Variants in ENO4 observed in about 807,000 individuals in gnomAD.
ENO4 encodes enolase 4.
Under a neutral mutation model 63.2 loss-of-function variants are expected in ENO4, and 53 were observed. The observed-to-expected ratio is 0.84, with a 90% CI of 0.67 to 1.05. The LOEUF is 1.05. Among genes scored for constraint, ENO4 ranks in the 50% least tolerant of loss-of-function variants. The pLI is 0.00. For missense variants in ENO4, 719 were observed against 772.0 expected (o/e 0.93, Z 0.81); for synonymous variants, 266 against 283.8 (o/e 0.94, Z 0.63).
At chr10:116,894,546 T>A (rs1847446093) in intron 10 of ENO4, among the ~76,000 whole-genome samples, 1 of 152,316 alleles carries the variant, frequency 6.6e-6, no homozygotes, top group Non-Finnish European at 1.5e-5. Flanking sequence ...GGCAATTAAT[T>A]GTGGCTTAAA....
chr10:116,854,191 G>A (rs1249713271), intron 1 of ENO4, among the ~76,000 whole-genome samples: 1 of 152,094 alleles, frequency 6.6e-6, no homozygotes, highest in Non-Finnish European at 1.5e-5. Flanking sequence ...GACTATGAAT[G>A]AGCTGATGGT....
At chr10:116,854,019 C>G (rs1220332201) in intron 1 of ENO4, among the ~76,000 whole-genome samples, 1 of 152,174 alleles carries the variant, frequency 6.6e-6, no homozygotes, top group East Asian at 1.9e-4. Context: ...TGCACAGAAA[C>G]ACCTTCCTGA....
intron 7 of ENO4, 31 bp from the exon 8 acceptor site, chr10:116,868,619 A>G: frequency 6.5e-7 from 1 of 1,545,510 alleles, no homozygotes; most frequent in Non-Finnish European, 8.8e-7. Context: ...TAAAAATTCC[A>G]GGTGATACAT....
intron 9 of ENO4, 105 bp from the exon 10 acceptor site, chr10:116,873,971 C>A: frequency 7.3e-7 from 1 of 1,366,388 alleles, no homozygotes; most frequent in Non-Finnish European, 9.7e-7. Flanking sequence ...AACCTGTTTA[C>A]AACCTCTTAT....
chr10:116,897,887 T>C (rs934861765), intron 10 of ENO4, among the ~76,000 whole-genome samples: 3 of 152,128 alleles, frequency 2.0e-5, no homozygotes, highest in Non-Finnish European at 4.4e-5. Context: ...ATAAATCACA[T>C]TGTTTCCTTG....
At chr10:116,899,267 T>C (rs1404322017) in intron 10 of ENO4, among the ~76,000 whole-genome samples, 4 of 151,864 alleles carry the variant, frequency 2.6e-5, no homozygotes, top group East Asian at 1.9e-4. Flanking sequence ...TAGGGAGAAA[T>C]GACGTAGGAT....
At chr10:116,893,576 G>GCACACACACACACACACA (rs6144113) in intron 10 of ENO4, among the ~76,000 whole-genome samples, 8,364 of 123,472 alleles carry the variant, frequency 0.068, 451 homozygotes, top group African/African-American at 0.1. Context: ...GCACTCATGT[G>GCACACACACACACACACA]CACACACACA....
At chr10:116,874,670 A>C (rs756364786) in intron 10 of ENO4, among the ~76,000 whole-genome samples, 47 of 152,214 alleles carry the variant, frequency 3.1e-4, no homozygotes, top group Non-Finnish European at 5.4e-4. Context: ...AAACGTAACA[A>C]AGCCATTTTT....
downstream of ENO4, chr10:116,885,466 C>A (rs989860530): frequency 4.0e-4 from 61 of 152,394 alleles, no homozygotes; most frequent in African/African-American, 1.4e-3. Context: ...AAAACAACAA[C>A]AAACCTGTGT....
At chr10:116,900,868 TTAA>T (rs1847705529) in intron 10 of ENO4, 1 of 984,926 alleles carries the variant, frequency 1.0e-6, no homozygotes, top group Non-Finnish European at 1.2e-6. Flanking sequence ...GAAAAAAAAG[TTAA>T]TAGTAGCAAT....
intron 10 of ENO4, among the ~76,000 whole-genome samples, chr10:116,898,394 CAGTGAAT>C (rs1847597906): frequency 6.6e-6 from 1 of 151,836 alleles, no homozygotes; most frequent in Non-Finnish European, 1.5e-5. Flanking sequence ...TGGCCTGAAT[CAGTGAAT>C]AAAATATCTT....
intron 10 of ENO4, chr10:116,906,708 ATT>A: frequency 6.2e-7 from 1 of 1,613,130 alleles, no homozygotes. Context: ...GGGTCAAGGG[ATT>A]TTAAGCTTCT....
At chr10:116,891,794 G>A (rs1188457541) in intron 10 of ENO4, among the ~76,000 whole-genome samples, 4 of 151,896 alleles carry the variant, frequency 2.6e-5, no homozygotes, top group Non-Finnish European at 5.9e-5. Flanking sequence ...TCAAACCTAA[G>A]GTGAAACTTT....
chr10:116,871,278 G>A lies in ENO4; in HGVS notation c.1201G>A (p.Glu401Lys). 3 of 1,550,148 alleles carry A rather than the reference G, an allele frequency of 1.9e-6. No homozygotes were observed. Among genetic ancestry groups the A allele is most frequent in the Non-Finnish European group, 2.6e-6 (3 of 1,146,856 alleles). Residue 401 changes from glutamate to lysine, a missense_variant, in exon 9 of 14, where the codon GAG becomes AAG. This residue lies in a region of ENO4 where 544 missense variants were observed against 583.6 expected (regional missense o/e 0.93). Transcript: ENST00000341276. ...TCTAGCTATCAACTGTGCTGGACAT[G>A]AGCTGATGGACTACGTAAGTTTCCA... is the stretch of plus-strand genomic sequence containing the variant. ...LHLAINCAGH[E>K]LMDYNKGKYE...
chr10:116,866,213 C>T (rs1330472657), intron 7 of ENO4, among the ~76,000 whole-genome samples: 1 of 152,160 alleles, frequency 6.6e-6, no homozygotes, highest in African/African-American at 2.4e-5. Flanking sequence ...GCAGGGATCA[C>T]ATTTCTGTTG....
chr10:116,868,529 A>C, intron 7 of ENO4, 121 bp from the exon 8 acceptor site: 1 of 790,050 alleles, frequency 1.3e-6, no homozygotes, highest in Non-Finnish European at 2.2e-6. Context: ...GTGTGCGTGT[A>C]TGTGTGCACA....
At chr10:116,897,246 G>A (rs1219716541) in intron 10 of ENO4, among the ~76,000 whole-genome samples, 2 of 152,206 alleles carry the variant, frequency 1.3e-5, no homozygotes, top group East Asian at 1.9e-4. Context: ...GGACTTGTAA[G>A]TCCTGAGGAT....
chr10:116,866,883 T>C (rs932436485), intron 7 of ENO4, among the ~76,000 whole-genome samples: 1 of 152,072 alleles, frequency 6.6e-6, no homozygotes, highest in African/African-American at 2.4e-5. Context: ...ATTGATAGCC[T>C]AGTAATTGAA....
intron 1 of ENO4, among the ~76,000 whole-genome samples, chr10:116,850,643 C>T (rs534186073): frequency 2.5e-4 from 38 of 151,958 alleles, no homozygotes; most frequent in African/African-American, 5.5e-4. Flanking sequence ...AAAACCACGT[C>T]GTATTGAGGC....
Sources: allele counts gnomAD v4.1 joint callset (sites outside exome capture counted in the v4.1 genomes callset), GRCh38; gene constraint gnomAD v4.1.1; regional missense constraint gnomAD v4.1.1; transcripts MANE v1.5; gene names NCBI Gene and HGNC (gene_info 2026-07-23, HGNC 2026-07-21).